NONO: variants seen among roughly 807,000 people sequenced by gnomAD.
The protein encoded by NONO is non-POU domain containing octamer binding, also known as non-POU domain-containing octamer-binding protein.
In NONO, 6 loss-of-function variants were observed where a neutral mutation model predicts 40.2. The ratio of observed to expected loss-of-function variants is 0.15; its 90% CI spans 0.08 to 0.29. NONO has a LOEUF of 0.29. Among genes scored for constraint, NONO ranks in the 10% least tolerant of loss-of-function variants. The pLI is 1.00. For missense variants in NONO, 133 were observed against 397.8 expected, an observed-to-expected ratio of 0.33 and a Z score of 5.66; for synonymous variants, 89 against 123.3, an observed-to-expected ratio of 0.72 and a Z score of 1.85.
In NONO at chrX:71,290,726, A is replaced by G; in HGVS notation, c.89A>G (p.Gln30Arg). The G allele has an allele frequency of 8.4e-7, 1 of 1,192,116 alleles. No homozygotes were observed. The highest frequency in any genetic ancestry group is 3.0e-5 in the East Asian group (1 of 33,445). ...CATCACCACCAGCAGCAGCACCACC[A>G]GCAGCAACAGCAGCAGCCGCCACCA... ...HQHHHQQQHH[Q>R]QQQQQPPPPP... Residue 30 changes from glutamine to arginine, a missense_variant, in exon 3 of 12, where the codon CAG (glutamine) becomes CGG (arginine). By Grantham distance (43) the Gln-to-Arg change is conservative. Coordinates refer to ENST00000276079, the MANE Select transcript of NONO (RefSeq NM_007363.5).
chrX:71,300,016 T>C lies in NONO; in HGVS notation c.1356T>C (p.Pro452=). ...EGIGAIGGTP[P]AFNRAAPGAE... ...TTGGGGCAATTGGTGGAACTCCTCC[T>C]GCATTCAACCGTGCAGCTCCTGGAG... The change falls in exon 12 of 12, where the codon CCT becomes CCC. Residue 452 remains proline (P), a synonymous_variant. Coordinates refer to ENST00000276079, the MANE Select transcript of NONO (RefSeq NM_007363.5). The C allele has an allele frequency of 8.3e-7, 1 of 1,211,364 alleles. No individual in the cohort carries two copies.
At position 71,300,445 on chromosome X, in the gene NONO, C is replaced by T. The variant is rs1368722911; in HGVS notation, c.*369C>T. Reference sequence around the variant, plus strand: ...GCTTGCCCCGCCCCCGAGACGGAGTCTTACTCTGTCGCCCAGGCTGGAGTG... The same window carrying T: ...GCTTGCCCCGCCCCCGAGACGGAGTTTTACTCTGTCGCCCAGGCTGGAGTG... On this transcript the variant is annotated 3_prime_UTR_variant, in exon 12 of 12. Coordinates refer to ENST00000276079, the MANE Select transcript of NONO (RefSeq NM_007363.5). 4.0e-6 allele frequency: 1 copy of T among 251,585 alleles called. No homozygotes were observed. Among genetic ancestry groups the T allele is most frequent in the Non-Finnish European group, 6.9e-6 (1 of 144,071 alleles). 20.7% of individuals were successfully genotyped at this position (251,585 alleles called of 1,213,427 possible).
Position 71,300,968 on chromosome X carries a change from A to G in NONO, c.*892A>G, listed in dbSNP as rs2031578390. On this transcript the variant is annotated 3_prime_UTR_variant, in exon 12 of 12. Transcript: ENST00000276079. ...GTTCACAGCTTTTCTTGATAGGCCT[A>G]GTACAATCTTGGGAACAGGGTTACT... 2 of 158,861 alleles carry G rather than the reference A, an allele frequency of 1.3e-5. No homozygotes were observed. The highest frequency in any genetic ancestry group is 1.9e-4 in the East Asian group (2 of 10,671). 13.1% of individuals were successfully genotyped at this position (158,861 alleles called of 1,213,427 possible).
chrX:71,297,245 T>G lies in NONO; in HGVS notation c.944-132T>G, dbSNP rs778801930. On this transcript the variant is annotated intron_variant, in intron 7 of 11. Coordinates refer to ENST00000276079, the MANE Select transcript of NONO (RefSeq NM_007363.5). ...GAAGGAAATGATAGGTATAACTTCA[T>G]TTTGGAATCTGGACACCACAGGTGG... 1.3e-4 allele frequency: 89 copies of G among 698,779 alleles called. No homozygotes were observed. In the Admixed American group the frequency reaches 2.6e-3, roughly 20 times the overall value. 57.6% of individuals were successfully genotyped at this position (698,779 alleles called of 1,213,427 possible).
At chrX:71,286,778 T>C (rs1220169494) in intron 2 of NONO, among the ~76,000 whole-genome samples, 1 of 112,128 alleles carries the variant, frequency 8.9e-6, no homozygotes, top group Non-Finnish European at 1.9e-5. Flanking sequence ...GCCATTACAA[T>C]GAACACTTTC....
chrX:71,296,844 C>T lies in NONO; in HGVS notation c.747-7C>T, dbSNP rs770816033. ...CAAAGTTAGTAACCTAGGAACCTTG[C>T]CTATAGGGAACGAGAGCAGCCACCC... On this transcript the variant is annotated splice_region_variant and splice_polypyrimidine_tract_variant and intron_variant, in intron 6 of 11. Coordinates refer to ENST00000276079, the MANE Select transcript of NONO (RefSeq NM_007363.5). The T allele has an allele frequency of 1.7e-6, 2 of 1,203,259 alleles. No individual in the cohort carries two copies. The highest frequency in any genetic ancestry group is 4.5e-5 in the Admixed American group (2 of 44,922).
At chrX:71,294,159 A>C in intron 4 of NONO, 68 bp from the exon 5 acceptor site, 8 of 1,058,770 alleles carry the variant, frequency 7.6e-6, no homozygotes, top group Non-Finnish European at 1.0e-5. Flanking sequence ...ATACTGCTTT[A>C]GACTGTTGAT....
chrX:71,290,556 A>G, intron 2 of NONO, 73 bp from the exon 3 acceptor site: 6 of 863,423 alleles, frequency 6.9e-6, no homozygotes, highest in South Asian at 4.4e-5. Flanking sequence ...TGAATTACAT[A>G]TAAGTCATCA....
intron 5 of NONO, 59 bp from the exon 6 acceptor site, chrX:71,296,506 A>G: frequency 1.2e-6 from 1 of 804,959 alleles, no homozygotes; most frequent in Non-Finnish European, 1.8e-6. Flanking sequence ...TGACATGTGT[A>G]GAGAAGAAGC....
At chrX:71,296,291 G>A (rs748227691) in intron 5 of NONO, among the ~76,000 whole-genome samples, 100 of 109,374 alleles carry the variant, frequency 9.1e-4, no homozygotes, top group Non-Finnish European at 1.6e-3. Context: ...GATTACAGAC[G>A]TCCGTAGAGT....
intron 2 of NONO, among the ~76,000 whole-genome samples, chrX:71,287,204 C>T (rs1163018025): frequency 9.0e-6 from 1 of 111,671 alleles, no homozygotes; most frequent in East Asian, 2.8e-4. Context: ...CCTCAGCCTC[C>T]TGAGTAGCTG....
rs1314906178 is a variant in NONO, at chrX:71,300,486, G to A, written c.*410G>A. The A allele has an allele frequency of 4.2e-5, 9 of 212,191 alleles. No individual in the cohort carries two copies. Among genetic ancestry groups the A allele is most frequent in the African/African-American group, 2.6e-4 (8 of 31,051 alleles). 17.5% of individuals were successfully genotyped at this position (212,191 alleles called of 1,213,427 possible). A position where few individuals can be genotyped will look rare whatever the true frequency, so the allele number is the denominator to read the frequency against. On this transcript the variant is annotated 3_prime_UTR_variant, in exon 12 of 12. Transcript: ENST00000276079. ...GGCTGGAGTGTAGTGGCATGATCTC[G>A]GCTCACTGCAATCTCTGCCTCCCGG...
chrX:71,294,611 T>A, intron 5 of NONO, 83 bp downstream of exon 5: 4 of 963,478 alleles, frequency 4.2e-6, no homozygotes, highest in Non-Finnish European at 5.6e-6. Flanking sequence ...AGTAACCACT[T>A]TTCTATGTTT....
In NONO at chrX:71,300,784, T is replaced by C. The variant is rs1024353577; in HGVS notation, c.*708T>C. 5.9e-6 allele frequency: 1 copy of C among 168,646 alleles called. No homozygotes were observed. Among genetic ancestry groups the C allele is most frequent in the Non-Finnish European group, 1.1e-5 (1 of 88,022 alleles). The allele number at this position is 168,646 out of a possible 1,213,427, so 13.9% of individuals were successfully genotyped here. On this transcript the variant is annotated 3_prime_UTR_variant, in exon 12 of 12. Coordinates refer to ENST00000276079, the MANE Select transcript of NONO (RefSeq NM_007363.5). ...AGGCAGCGTACATACGGTTCTGTTA[T>C]ACCCCATATATTACCCCTTCATGTC... is the stretch of plus-strand genomic sequence containing the variant.
chrX:71,291,923 C>G lies in NONO; in HGVS notation c.299C>G (p.Ala100Gly). Residue 100 changes from alanine (A) to glycine (G), a missense_variant, in exon 4 of 12, where the codon GCA becomes GGA. By Grantham distance (60) the Ala-to-Gly change is moderately conservative. Transcript: ENST00000276079. ...MRKLFEKYGK[A>G]GEVFIHKDKG... is the part of the protein sequence containing the mutation. ...AAACTATTTGAGAAATATGGAAAGG[C>G]AGGCGAAGTCTTCATTCATAAGGAT... is the stretch of plus-strand genomic sequence containing the variant. 8.3e-7 allele frequency: 1 copy of G among 1,199,021 alleles called. No individual in the cohort carries two copies. The highest frequency in any genetic ancestry group is 1.1e-6 in the Non-Finnish European group (1 of 890,568).
At chrX:71,286,326 T>C (rs2031187677) in intron 2 of NONO, among the ~76,000 whole-genome samples, 1 of 111,363 alleles carries the variant, frequency 9.0e-6, no homozygotes, top group African/African-American at 3.3e-5. Context: ...CCCCCATTTT[T>C]ATTTATTTTC....
In NONO at chrX:71,300,797, AC is replaced by A. The variant is rs2031570470; in HGVS notation, c.*725del. 6.0e-6 allele frequency: 1 copy of A among 165,882 alleles called. No homozygotes were observed. The highest frequency in any genetic ancestry group is 8.3e-5 in the Admixed American group (1 of 12,111). The allele number at this position is 165,882 out of a possible 1,213,427, so 13.7% of individuals were successfully genotyped here. The stretch of plus-strand genomic sequence containing the variant: ...ACGGTTCTGTTATACCCCATATATT[AC>A]CCCTTCATGTCCTAAAGAAGACATT... On this transcript the variant is annotated 3_prime_UTR_variant, in exon 12 of 12. Coordinates refer to ENST00000276079, the MANE Select transcript of NONO (RefSeq NM_007363.5).
At chrX:71,297,285 G>A (rs1283163324) in intron 7 of NONO, 92 bp from the exon 8 acceptor site, 1 of 896,424 alleles carries the variant, frequency 1.1e-6, no homozygotes, top group Non-Finnish European at 1.6e-6. Flanking sequence ...AAAGGAATTA[G>A]ATCCTCTTTG....
chrX:71,290,305 T>C (rs1387811843), intron 2 of NONO, among the ~76,000 whole-genome samples: 1 of 112,586 alleles, frequency 8.9e-6, no homozygotes, highest in Non-Finnish European at 1.9e-5. Flanking sequence ...CACCTCCGCC[T>C]CCCAAAGTGT....
Sources: allele counts gnomAD v4.1 joint callset (sites outside exome capture counted in the v4.1 genomes callset), GRCh38; gene constraint gnomAD v4.1.1; transcripts MANE v1.5; gene names NCBI Gene and HGNC (gene_info 2026-07-23, HGNC 2026-07-21).